Variants in PCDHA5 observed in about 807,000 individuals in gnomAD.
PCDHA5 encodes the protein protocadherin alpha-5.
Under a neutral mutation model 61.6 loss-of-function variants are expected in PCDHA5, and 43 were observed. The ratio of observed to expected loss-of-function variants is 0.70; its 90% CI spans 0.55 to 0.90. PCDHA5 has a LOEUF of 0.90. Among genes scored for constraint, PCDHA5 ranks in the 40% least tolerant of loss-of-function variants. PCDHA5 has a pLI of 0.00. For synonymous variants in PCDHA5, 627 were observed against 543.9 expected (o/e 1.15, Z -2.13); for missense variants, 1,298 against 1,222.7 (o/e 1.06, Z -0.92).
At chr5:140,838,075 ATAGTGTGTGTGTGT>A (rs1322257119) in intron 1 of PCDHA5, among the ~76,000 whole-genome samples, 7,901 of 128,220 alleles carry the variant, frequency 0.062, 356 homozygotes, top group Middle Eastern at 0.073. Flanking sequence ...TTATATATAT[ATAGTGTGTGTGTGT>A]GTGTGTGTGT....
intron 1 of PCDHA5, chr5:140,853,687 T>C (rs1025605569): frequency 3.0e-6 from 3 of 988,362 alleles, no homozygotes; most frequent in African/African-American, 3.5e-5. Context: ...AACCTATCCT[T>C]AGACCTGCTA....
chr5:140,892,061 T>C (rs1445819046), intron 1 of PCDHA5, among the ~76,000 whole-genome samples: 1 of 152,254 alleles, frequency 6.6e-6, no homozygotes, highest in Non-Finnish European at 1.5e-5. Context: ...AATTTATTGT[T>C]ACTTTGTATA....
chr5:140,863,854 A>T (rs984993232), intron 1 of PCDHA5: 2 of 177,552 alleles, frequency 1.1e-5, no homozygotes, highest in Admixed American at 1.1e-4. Context: ...TAAAAAAATT[A>T]GCTGGGTGTG....
intron 1 of PCDHA5, among the ~76,000 whole-genome samples, chr5:140,918,164 G>T (rs1156404209): frequency 6.6e-6 from 1 of 152,088 alleles, no homozygotes; most frequent in East Asian, 1.9e-4. Context: ...TATTGTAAAT[G>T]GCATTGTGTT....
intron 1 of PCDHA5, among the ~76,000 whole-genome samples, chr5:140,893,566 C>T (rs1283289530): frequency 6.6e-6 from 1 of 152,156 alleles, no homozygotes; most frequent in African/African-American, 2.4e-5. Flanking sequence ...AGTGTACTTC[C>T]TCAGTTTTTG....
chr5:140,848,388 TC>T, intron 1 of PCDHA5: 1 of 1,225,380 alleles, frequency 8.2e-7, no homozygotes, highest in Non-Finnish European at 1.2e-6. Context: ...TTTCACTCTC[TC>T]TGTGCTGAAC....
chr5:140,835,672 G>C, intron 1 of PCDHA5: 1 of 1,613,926 alleles, frequency 6.2e-7, no homozygotes, highest in Non-Finnish European at 8.5e-7. Flanking sequence ...GCGCGGGACG[G>C]GGGCTCGCCT....
chr5:140,926,825 G>T (rs937740656), intron 1 of PCDHA5: 2 of 1,499,696 alleles, frequency 1.3e-6, no homozygotes, highest in Admixed American at 4.7e-5. Flanking sequence ...CTCTCCAGGA[G>T]TCCGGAGCAT....
chr5:140,861,234 C>T (rs868927537), intron 1 of PCDHA5: 7 of 166,456 alleles, frequency 4.2e-5, no homozygotes, highest in Middle Eastern at 2.9e-3. Context: ...ATTTTAGCTG[C>T]TAGACAAAGT....
intron 1 of PCDHA5, among the ~76,000 whole-genome samples, chr5:140,937,010 C>A (rs2091260078): frequency 6.6e-6 from 1 of 151,324 alleles, no homozygotes; most frequent in Non-Finnish European, 1.5e-5. Context: ...GACAGACAAC[C>A]GATTAACAAG....
intron 1 of PCDHA5, chr5:140,884,276 G>C: frequency 6.8e-6 from 11 of 1,613,638 alleles, no homozygotes; most frequent in Non-Finnish European, 9.3e-6. Context: ...GTTGTCGCTG[G>C]TGGAGAGCGG....
intron 1 of PCDHA5, chr5:140,843,946 C>A: frequency 1.8e-6 from 1 of 563,342 alleles, no homozygotes; most frequent in Non-Finnish European, 3.1e-6. Context: ...TGGATGATAT[C>A]CATTTTTTAC....
At chr5:140,909,574 T>G (rs1363183074) in intron 1 of PCDHA5, among the ~76,000 whole-genome samples, 1 of 152,134 alleles carries the variant, frequency 6.6e-6, no homozygotes, top group Non-Finnish European at 1.5e-5. Flanking sequence ...TCCAGAGATG[T>G]GATATGTTTT....
chr5:140,967,310 G>A (rs2096126313), intron 1 of PCDHA5: 1 of 1,611,338 alleles, frequency 6.2e-7, no homozygotes, highest in East Asian at 2.2e-5. Context: ...CGCCAACTCA[G>A]TACAGACCTA....
At chr5:140,974,779 C>T (rs950634910) in intron 1 of PCDHA5, among the ~76,000 whole-genome samples, 1 of 152,160 alleles carries the variant, frequency 6.6e-6, no homozygotes, top group African/African-American at 2.4e-5. Context: ...TGAGCCACTG[C>T]GCCCAGCCCT....
chr5:140,874,695 T>C (rs1278085784), intron 1 of PCDHA5, among the ~76,000 whole-genome samples: 1 of 152,228 alleles, frequency 6.6e-6, no homozygotes, highest in East Asian at 1.9e-4. Flanking sequence ...TAACATGTTA[T>C]GGAAATGAGA....
chr5:140,921,377 T>C (rs1368330420), intron 1 of PCDHA5, among the ~76,000 whole-genome samples: 2 of 152,172 alleles, frequency 1.3e-5, no homozygotes, highest in Non-Finnish European at 2.9e-5. Flanking sequence ...TATTTCTACA[T>C]ATTTGATAAA....
chr5:140,848,923 C>A (rs2150425002), intron 1 of PCDHA5: 1 of 1,607,740 alleles, frequency 6.2e-7, no homozygotes, highest in Non-Finnish European at 8.5e-7. Flanking sequence ...CTGTTCATCG[C>A]GGAATCCAGG....
chr5:140,881,446 TC>T, intron 1 of PCDHA5: 1 of 787,056 alleles, frequency 1.3e-6, no homozygotes, highest in Non-Finnish European at 1.5e-6. Flanking sequence ...AAAAACAGAA[TC>T]CAAAACCTTA....
Sources: gnomAD v4.1 joint callset for allele counts (sites outside exome capture counted in the v4.1 genomes callset) on GRCh38, gnomAD v4.1.1 for gene constraint, MANE v1.5 for transcripts, NCBI Gene and HGNC (gene_info 2026-07-23, HGNC 2026-07-21) for gene names.